IGF1R: variants seen among roughly 807,000 people sequenced by gnomAD.
IGF1R encodes the protein insulin-like growth factor 1 receptor.
In IGF1R, 44 loss-of-function variants were observed where a neutral mutation model predicts 144.6. The observed-to-expected ratio is 0.30, with a 90% CI of 0.24 to 0.39. The LOEUF is 0.39. Among genes scored for constraint, IGF1R ranks in the 10% least tolerant of loss-of-function variants. The pLI, the probability that IGF1R is intolerant of heterozygous loss-of-function variation, is 1.00. For missense variants in IGF1R, 1,355 were observed against 1,833.7 expected (o/e 0.74, Z 4.77); for synonymous variants, 795 against 722.8 (o/e 1.10, Z -1.60).
intron 2 of IGF1R, among the ~76,000 whole-genome samples, chr15:98,719,004 C>G (rs1034359635): frequency 1.3e-5 from 2 of 152,232 alleles, no homozygotes; most frequent in African/African-American, 4.8e-5. Flanking sequence ...ATGGCCCCTT[C>G]TGCTTTGCTA....
chr15:98,854,948 C>CT (rs987259648), intron 2 of IGF1R, among the ~76,000 whole-genome samples: 7 of 152,092 alleles, frequency 4.6e-5, no homozygotes, highest in Non-Finnish European at 8.8e-5. Context: ...CCTGCCCCCC[C>CT]CAACACATGT....
At chr15:98,913,715 A>G (rs1460564348) in intron 8 of IGF1R, among the ~76,000 whole-genome samples, 1 of 152,220 alleles carries the variant, frequency 6.6e-6, no homozygotes, top group African/African-American at 2.4e-5. Flanking sequence ...AAAGAGGTCA[A>G]CAAAAGTTGA....
At chr15:98,790,035 G>A (rs1382405057) in intron 2 of IGF1R, among the ~76,000 whole-genome samples, 8 of 152,272 alleles carry the variant, frequency 5.3e-5, no homozygotes, top group East Asian at 3.9e-4. Context: ...TTTTGCCTCC[G>A]GAGGATTTCT....
intron 2 of IGF1R, among the ~76,000 whole-genome samples, chr15:98,881,976 T>G (rs2013406909): frequency 6.6e-6 from 1 of 152,212 alleles, no homozygotes; most frequent in Admixed American, 6.5e-5. Context: ...ATATGAATAG[T>G]TTTTGTGAAC....
intron 1 of IGF1R, among the ~76,000 whole-genome samples, chr15:98,692,927 G>A (rs1316400175): frequency 6.6e-6 from 1 of 152,134 alleles, no homozygotes; most frequent in Non-Finnish European, 1.5e-5. Context: ...TATGAGTGGT[G>A]GAACAGTGGG....
At position 98,935,835 on chromosome 15, in the gene IGF1R, C is replaced by A. The variant is rs1173124183; in HGVS notation, c.3297+409C>A. Among the ~76,000 whole-genome samples the A allele has an allele frequency of 6.6e-6, 1 of 152,220 alleles. No homozygotes were observed. Among genetic ancestry groups the A allele is most frequent in the Non-Finnish European group, 1.5e-5 (1 of 68,044 alleles). ...ACTCACATCCTCGTATGTGTTCTCT[C>A]TCGTTATGTTGTGTTGTGCTGTTGT... On this transcript the variant is annotated intron_variant, in intron 17 of 20. Coordinates refer to ENST00000650285, the MANE Select transcript of IGF1R (RefSeq NM_000875.5). This position sits in a 1 kb window ranked among gnomAD's most constrained non-coding sequence, Gnocchi z 4.2.
intron 2 of IGF1R, among the ~76,000 whole-genome samples, chr15:98,785,809 G>T (rs2055979063): frequency 6.6e-6 from 1 of 152,116 alleles, no homozygotes; most frequent in Non-Finnish European, 1.5e-5. Context: ...AGGCAGGAGG[G>T]TCTGACCATG....
chr15:98,725,361 C>T (rs1012254781), intron 2 of IGF1R, among the ~76,000 whole-genome samples: 4 of 152,222 alleles, frequency 2.6e-5, no homozygotes, highest in Non-Finnish European at 4.4e-5. Flanking sequence ...CCTAGCATTT[C>T]ATCCCATGTT....
Position 98,961,216 on chromosome 15 carries a change from C to T in IGF1R, c.*3774C>T, listed in dbSNP as rs867392127. Reference sequence around the variant, plus strand: ...GTGACCCCTTGGAATAACGGCCTCTCCTCTCGTGCACATACCTACCGGTTT... The same window carrying T: ...GTGACCCCTTGGAATAACGGCCTCTTCTCTCGTGCACATACCTACCGGTTT... On this transcript the variant is annotated 3_prime_UTR_variant, in exon 21 of 21. Transcript: ENST00000650285. 2 of 233,550 alleles carry T rather than the reference C, an allele frequency of 8.6e-6. No individual in the cohort carries two copies. The highest frequency in any genetic ancestry group is 2.2e-5 in the African/African-American group (1 of 45,352). 14.5% of individuals were successfully genotyped at this position (233,550 alleles called of 1,614,324 possible).
At chr15:98,944,342 CT>C (rs2016474792) in intron 19 of IGF1R, among the ~76,000 whole-genome samples, 1 of 152,234 alleles carries the variant, frequency 6.6e-6, no homozygotes, top group Non-Finnish European at 1.5e-5. Context: ...ATTGCCAATT[CT>C]GTCCATTTGG....
At chr15:98,672,036 G>C (rs1022401337) in intron 1 of IGF1R, among the ~76,000 whole-genome samples, 1 of 152,178 alleles carries the variant, frequency 6.6e-6, no homozygotes, top group African/African-American at 2.4e-5. Flanking sequence ...TATAATCCAA[G>C]CAATAGTGAG....
chr15:98,777,072 G>T (rs192733207), intron 2 of IGF1R, among the ~76,000 whole-genome samples: 19 of 152,280 alleles, frequency 1.2e-4, no homozygotes, highest in Admixed American at 1.2e-3. Context: ...ATCACTGGGC[G>T]CCAGGGAGGG....
intron 2 of IGF1R, among the ~76,000 whole-genome samples, chr15:98,726,813 G>A (rs1336081133): frequency 2.0e-5 from 3 of 148,106 alleles, no homozygotes; most frequent in Non-Finnish European, 4.5e-5. Context: ...TCCGCCTCCC[G>A]GGTTCAGGCA....
At chr15:98,857,805 TTCTTTCC>T in intron 2 of IGF1R, among the ~76,000 whole-genome samples, 1 of 152,346 alleles carries the variant, frequency 6.6e-6, no homozygotes, top group South Asian at 2.1e-4. Context: ...ACTGACAAAA[TTCTTTCC>T]TCTTAAAAAT....
Position 98,689,232 on chromosome 15 carries a change from T to TA in IGF1R, c.95-18329dup, listed in dbSNP as rs1268781526. Among the ~76,000 whole-genome samples the TA allele has an allele frequency of 6.2e-5, 9 of 145,676 alleles. No individual in the cohort carries two copies. The East Asian group carries it at 1.7e-3, about 27-fold the overall frequency. ...GACAAGCAGCTTTGGACAGTTGCAC[T>TA]ACTTTTTTTTTTTTTTTTTTTTTTT... is the stretch of plus-strand genomic sequence containing the variant. On this transcript the variant is annotated intron_variant, in intron 1 of 20. Coordinates refer to ENST00000650285, the MANE Select transcript of IGF1R (RefSeq NM_000875.5).
intron 2 of IGF1R, among the ~76,000 whole-genome samples, chr15:98,797,768 A>G (rs567982888): frequency 3.9e-5 from 6 of 152,338 alleles, no homozygotes; most frequent in African/African-American, 1.2e-4. Flanking sequence ...GACAAAGCCA[A>G]CTCCATTCTC....
Position 98,963,576 on chromosome 15 carries a change from GCA to G in IGF1R, c.*6137_*6138del, listed in dbSNP as rs1310468675. The G allele has an allele frequency of 4.3e-6, 1 of 233,126 alleles. No individual in the cohort carries two copies. Among genetic ancestry groups the G allele is most frequent in the Non-Finnish European group, 8.5e-6 (1 of 118,030 alleles). 14.4% of individuals were successfully genotyped at this position (233,126 alleles called of 1,614,324 possible). ...ATTGGTCTGGCTGCCGTCATTGTCA[GCA>G]CAGTGCCATGGACATGGGAAGACTT... On this transcript the variant is annotated 3_prime_UTR_variant, in exon 21 of 21. Coordinates refer to ENST00000650285, the MANE Select transcript of IGF1R (RefSeq NM_000875.5).
chr15:98,884,769 G>T (rs2013556977), intron 2 of IGF1R, among the ~76,000 whole-genome samples: 1 of 151,234 alleles, frequency 6.6e-6, no homozygotes, highest in Non-Finnish European at 1.5e-5. Flanking sequence ...TTCCTCATCT[G>T]CACTGCTGTC....
rs1305141024 is a variant in IGF1R at position 98,948,505 on chromosome 15, G to A, written c.3588-69G>A. On this transcript the variant is annotated intron_variant, in intron 19 of 20. Transcript: ENST00000650285. Reference sequence around the variant, plus strand: ...ATCTGCTCGGGATGTAAGAAGTGCTGGAAAGGAGGGGGCAGCATTGTTCAG... The same window carrying A: ...ATCTGCTCGGGATGTAAGAAGTGCTAGAAAGGAGGGGGCAGCATTGTTCAG... The A allele has an allele frequency of 3.3e-6, 5 of 1,519,916 alleles. No homozygotes were observed. In the East Asian group the frequency reaches 9.0e-5, roughly 27 times the overall value. 94.2% of individuals were successfully genotyped at this position (1,519,916 alleles called of 1,614,324 possible).
Sources: allele counts gnomAD v4.1 joint callset (sites outside exome capture counted in the v4.1 genomes callset), GRCh38; gene constraint gnomAD v4.1.1; non-coding constraint Gnocchi (gnomAD v3.1); transcripts MANE v1.5; gene names NCBI Gene and HGNC (gene_info 2026-07-23, HGNC 2026-07-21).